FAM228B: variants seen among roughly 807,000 people sequenced by gnomAD.
FAM228B encodes the protein family with sequence similarity 228 member B.
A neutral mutation model predicts 42.6 loss-of-function variants in FAM228B; 38 were observed. The ratio of observed to expected loss-of-function variants is 0.89; its 90% confidence interval spans 0.69 to 1.17. FAM228B has a LOEUF of 1.17. Among genes scored for constraint, FAM228B ranks in the 50% most tolerant of loss-of-function variants. FAM228B has a pLI of 0.00. For synonymous variants in FAM228B, 109 were observed against 122.3 expected, an observed-to-expected ratio of 0.89 and a Z score of 0.72; for missense variants, 344 against 367.3, an observed-to-expected ratio of 0.94 and a Z score of 0.52.
At chr2:24,085,326 A>G (rs1447091459) in intron 2 of FAM228B, 1 of 152,090 alleles carries the variant, frequency 6.6e-6, no homozygotes, top group Non-Finnish European at 1.5e-5. Flanking sequence ...GATGCTGGCG[A>G]TTGGGTAAAA....
At chr2:24,139,334 C>T in intron 4 of FAM228B, 36 bp from the exon 5 acceptor site, 2 of 1,297,966 alleles carry the variant, frequency 1.5e-6, no homozygotes, top group Non-Finnish European at 2.2e-6. Context: ...CTGTGCACCT[C>T]TTGTTCTTGT....
chr2:24,082,869 A>G, intron 2 of FAM228B: 1 of 1,593,542 alleles, frequency 6.3e-7, no homozygotes, highest in Non-Finnish European at 8.6e-7. Context: ...TGGAGTGAGC[A>G]TGGAGGCCTC....
At chr2:24,163,957 C>T (rs1390999040) in intron 8 of FAM228B, among the ~76,000 whole-genome samples, 1 of 152,150 alleles carries the variant, frequency 6.6e-6, no homozygotes, top group Non-Finnish European at 1.5e-5. Context: ...ATCATTCACT[C>T]CAAAGGACCC....
chr2:24,114,251 T>C (rs1242700330), intron 3 of FAM228B, among the ~76,000 whole-genome samples: 1 of 152,180 alleles, frequency 6.6e-6, no homozygotes, highest in East Asian at 1.9e-4. Context: ...ATGCTGAATC[T>C]GGGGGACAAA....
At position 24,165,423 on chromosome 2, in the gene FAM228B, T is replaced by G. The variant is rs1271397590; in HGVS notation, c.932+1088T>G. On this transcript the variant is annotated intron_variant, in intron 9 of 10. Coordinates refer to ENST00000615575, the MANE Select transcript of FAM228B (RefSeq NM_001145710.2). ...CCCTCCAACTCCTAGTACCAGCCCC[T>G]GTCTGCTCTGAGGCTCTGCTGTCAG... is the stretch of plus-strand genomic sequence containing the variant. 2 of 471,178 alleles carry G rather than the reference T, an allele frequency of 4.2e-6. 1 individual carries two copies. The highest frequency in any genetic ancestry group is 4.7e-5 in the Admixed American group (2 of 42,588). 29.2% of individuals were successfully genotyped at this position (471,178 alleles called of 1,614,324 possible).
chr2:24,147,030 C>T lies in FAM228B; in HGVS notation c.630C>T (p.Asn210=), dbSNP rs1477420862. 2.3e-5 allele frequency: 36 copies of T among 1,551,184 alleles called. No individual in the cohort carries two copies. Among genetic ancestry groups the T allele is most frequent in the East Asian group, 9.8e-5 (4 of 40,890 alleles). ...ATTCAAGGCACTTTATAACTCCAAACGAGTGGCTGAAACTGCCTACAAGAT... is the reference window on the plus strand; with the variant it reads ...ATTCAAGGCACTTTATAACTCCAAATGAGTGGCTGAAACTGCCTACAAGAT... ...ISNSRHFITP[N]EWLKLPTRYI... Residue 210 remains asparagine, a synonymous_variant, in exon 7 of 11, where the codon AAC becomes AAT. Coordinates refer to ENST00000615575, the MANE Select transcript of FAM228B (RefSeq NM_001145710.2).
intron 10 of FAM228B, among the ~76,000 whole-genome samples, chr2:24,168,261 A>C (rs897603251): frequency 6.6e-6 from 1 of 152,224 alleles, no homozygotes; most frequent in African/African-American, 2.4e-5. Context: ...TGAGTGTCAA[A>C]GAGAAGAAGG....
chr2:24,135,474 C>T (rs10187612), intron 3 of FAM228B, among the ~76,000 whole-genome samples: 17,905 of 152,084 alleles, frequency 0.12, 1,247 homozygotes, highest in South Asian at 0.18. Context: ...AATGAGCTAA[C>T]CCTTAAGAGC....
chr2:24,164,379 A>G (rs1000245027), intron 9 of FAM228B, 44 bp downstream of exon 9: 21 of 1,515,786 alleles, frequency 1.4e-5, no homozygotes, highest in Non-Finnish European at 1.8e-5. Flanking sequence ...TAAGGTGGCA[A>G]TCGCTGATAC....
At position 24,115,496 on chromosome 2, in the gene FAM228B, G is replaced by A. The variant is rs550127537; in HGVS notation, c.-120-19623G>A. The A allele has an allele frequency of 4.5e-5, 56 of 1,238,938 alleles. No homozygotes were observed. In the East Asian group the frequency reaches 1.2e-3, roughly 27 times the overall value. The allele number at this position is 1,238,938 out of a possible 1,614,324, so 76.7% of individuals were successfully genotyped here. ...TCTTTTTTAGTGCCTTCTGTCTAGT[G>A]TTTTTTCAACCATAAAATATTTTTT... On this transcript the variant is annotated intron_variant, in intron 3 of 10. Coordinates refer to the FAM228B transcript ENST00000613899.
intron 2 of FAM228B, among the ~76,000 whole-genome samples, chr2:24,128,265 T>C (rs1194921631): frequency 6.6e-6 from 1 of 152,080 alleles, no homozygotes; most frequent in African/African-American, 2.4e-5. Context: ...GCTGTTGTTG[T>C]TGTTGTTGAG....
chr2:24,124,584 C>T (rs1666255903), intron 2 of FAM228B, 124 bp downstream of exon 2: 3 of 599,144 alleles, frequency 5.0e-6, no homozygotes, highest in Admixed American at 3.6e-5. Context: ...TTTATTATTC[C>T]CTTCACTTTA....
chr2:24,101,669 ATTATT>A (rs962172262), intron 3 of FAM228B, among the ~76,000 whole-genome samples: 5 of 151,926 alleles, frequency 3.3e-5, no homozygotes, highest in African/African-American at 4.8e-5. Flanking sequence ...CCTAGTTTTT[ATTATT>A]TTATTTTATT....
chr2:24,152,399 C>T (rs1363408123), intron 7 of FAM228B, among the ~76,000 whole-genome samples: 1 of 152,192 alleles, frequency 6.6e-6, no homozygotes, highest in Non-Finnish European at 1.5e-5. Context: ...AGATATTCAT[C>T]AGTGTCTGAG....
chr2:24,121,446 T>TA (rs1666116195), upstream of FAM228B: 1 of 711,522 alleles, frequency 1.4e-6, no homozygotes, highest in Admixed American at 3.1e-5. Flanking sequence ...ATCAAAAGAA[T>TA]AACACTTCGT....
chr2:24,167,936 A>G (rs1450764883), intron 10 of FAM228B: 2 of 400,758 alleles, frequency 5.0e-6, no homozygotes, highest in Admixed American at 3.5e-5. Flanking sequence ...GAAAATTCCT[A>G]TTGCTTGGAA....
At position 24,146,735 on chromosome 2, in the gene FAM228B, G is replaced by T; in HGVS notation, c.442-13G>T. 6.5e-7 allele frequency: 1 copy of T among 1,534,484 alleles called. No individual in the cohort carries two copies. The highest frequency in any genetic ancestry group is 8.8e-7 in the Non-Finnish European group (1 of 1,134,564). On this transcript the variant is annotated splice_polypyrimidine_tract_variant and intron_variant, in intron 5 of 10. Coordinates refer to ENST00000615575, the MANE Select transcript of FAM228B (RefSeq NM_001145710.2). ...CTTGCAACTCAGTGCTTAAACAAGTGCCTCTCTTGTAGGTTACCATCCCAC... is the reference window on the plus strand; with the variant it reads ...CTTGCAACTCAGTGCTTAAACAAGTTCCTCTCTTGTAGGTTACCATCCCAC...
chr2:24,155,666 G>A (rs1182101669), intron 7 of FAM228B, among the ~76,000 whole-genome samples: 3 of 147,946 alleles, frequency 2.0e-5, no homozygotes, highest in South Asian at 4.4e-4. Flanking sequence ...TCAGCCTCCC[G>A]AGCAGCTGGG....
At chr2:24,129,198 C>T (rs1666386717) in intron 2 of FAM228B, among the ~76,000 whole-genome samples, 1 of 152,174 alleles carries the variant, frequency 6.6e-6, no homozygotes, top group Non-Finnish European at 1.5e-5. Context: ...ATCCCCACTC[C>T]TCAATTCAGG....
Sources: gnomAD v4.1 joint callset for allele counts (sites outside exome capture counted in the v4.1 genomes callset) on GRCh38, gnomAD v4.1.1 for gene constraint, MANE v1.5 for transcripts, NCBI Gene and HGNC (gene_info 2026-07-23, HGNC 2026-07-21) for gene names.